SMAP2: variants seen among roughly 807,000 people sequenced by gnomAD.
SMAP2 encodes the protein small ArfGAP2.
A neutral mutation model predicts 56.4 loss-of-function variants in SMAP2; 25 were observed. The ratio of observed to expected loss-of-function variants is 0.44; its 90% CI spans 0.32 to 0.62. The LOEUF (loss-of-function observed/expected upper bound fraction) is 0.62, where lower values mean the gene tolerates loss of function less well. Among genes scored for constraint, SMAP2 ranks in the 20% least tolerant of loss-of-function variants. The pLI is 0.04. For missense variants in SMAP2, 388 were observed against 545.6 expected, an observed-to-expected ratio of 0.71 and a Z score of 2.88; for synonymous variants, 157 against 181.7, an observed-to-expected ratio of 0.86 and a Z score of 1.09.
intron 2 of SMAP2, among the ~76,000 whole-genome samples, chr1:40,363,871 A>G (rs576836597): frequency 6.6e-6 from 1 of 152,276 alleles, no homozygotes; most frequent in South Asian, 2.1e-4. Context: ...CCTGGGCAGA[A>G]CTCAGCTGGT....
chr1:40,408,047 C>T lies in SMAP2; in HGVS notation c.238-606C>T, dbSNP rs924324155. Among the ~76,000 whole-genome samples the T allele has an allele frequency of 9.2e-5, 14 of 151,910 alleles. No individual in the cohort carries two copies. The highest frequency in any genetic ancestry group is 1.2e-4 in the Non-Finnish European group (8 of 68,014). ...AGTTGGTAATGGAAATCAGAGGTTA[C>T]GCTTAACCAGAAAATGGCTTTAGAA... On this transcript the variant is annotated intron_variant, in intron 2 of 9. Transcript: ENST00000372718. The surrounding 1 kb of genome is among the most constrained non-coding windows in gnomAD (Gnocchi z 4.3).
At chr1:40,390,385 T>C (rs1644704554) in intron 1 of SMAP2, among the ~76,000 whole-genome samples, 1 of 152,240 alleles carries the variant, frequency 6.6e-6, no homozygotes, top group Admixed American at 6.5e-5. Flanking sequence ...ATGTCCATGG[T>C]CTTGCACAAG....
At chr1:40,395,212 T>G (rs923100594) in intron 1 of SMAP2, among the ~76,000 whole-genome samples, 6 of 152,174 alleles carry the variant, frequency 3.9e-5, no homozygotes, top group African/African-American at 1.4e-4. Flanking sequence ...AAGTCCAAAC[T>G]AGGATCTCAT....
intron 1 of SMAP2, among the ~76,000 whole-genome samples, chr1:40,378,196 C>T (rs1644560182): frequency 6.6e-6 from 1 of 152,158 alleles, no homozygotes; most frequent in Non-Finnish European, 1.5e-5. Flanking sequence ...GCGATTATAG[C>T]TCACTGTAGC....
chr1:40,353,310 G>T (rs1480081397), intron 1 of SMAP2, among the ~76,000 whole-genome samples: 1 of 152,196 alleles, frequency 6.6e-6, no homozygotes, highest in Non-Finnish European at 1.5e-5. Context: ...TGACCATGAG[G>T]TGATTTACAT....
chr1:40,373,277 T>C (rs1483987454), upstream of SMAP2, among the ~76,000 whole-genome samples: 1 of 152,110 alleles, frequency 6.6e-6, no homozygotes, highest in Non-Finnish European at 1.5e-5. Flanking sequence ...GACGTTCCTA[T>C]ATCCTGGGTT....
intron 2 of SMAP2, chr1:40,365,146 AC>A (rs1644476792): frequency 6.3e-6 from 1 of 159,514 alleles, no homozygotes; most frequent in Admixed American, 6.8e-5. Flanking sequence ...AGCTTTATAT[AC>A]TGAGAGCACC....
chr1:40,417,017 A>G lies in SMAP2; in HGVS notation c.1085A>G (p.Tyr362Cys). ...NGMMTTQQAG[Y>C]MAGMAAMPQT... ...ATGATGACCACCCAGCAGGCTGGCTACATGGCAGGCATGGCAGCTATGCCC... is the reference window on the plus strand; with the variant it reads ...ATGATGACCACCCAGCAGGCTGGCTGCATGGCAGGCATGGCAGCTATGCCC... Residue 362 changes from tyrosine to cysteine, a missense_variant, in exon 9 of 10, where the codon TAC (tyrosine) becomes TGC (cysteine). Transcript: ENST00000372718. The G allele has an allele frequency of 1.9e-6, 3 of 1,614,162 alleles. No individual in the cohort carries two copies. The highest frequency in any genetic ancestry group is 8.5e-7 in the Non-Finnish European group (1 of 1,180,014).
At chr1:40,401,086 C>T (rs561641556) in intron 1 of SMAP2, among the ~76,000 whole-genome samples, 24 of 152,076 alleles carry the variant, frequency 1.6e-4, no homozygotes, top group South Asian at 4.1e-4. Flanking sequence ...GGTGAAACCC[C>T]GTCTCTACTA....
chr1:40,372,272 TTTG>T (rs552637942), upstream of SMAP2, among the ~76,000 whole-genome samples: 9 of 151,956 alleles, frequency 5.9e-5, no homozygotes, highest in East Asian at 3.9e-4. Context: ...TTAACTGGGT[TTTG>T]TTGTTGTTGT....
chr1:40,374,539 T>G lies in SMAP2; in HGVS notation c.103+316T>G. On this transcript the variant is annotated intron_variant, in intron 1 of 9. Transcript: ENST00000372718. The surrounding 1 kb of genome is among the most constrained non-coding windows in gnomAD (Gnocchi z 5.9). Reference sequence around the variant, plus strand: ...TCTGGGCCGGCTGTCCAGAGAGAGCTCCCAGCATGTCACTTGCAAAGCTGG... The same window carrying G: ...TCTGGGCCGGCTGTCCAGAGAGAGCGCCCAGCATGTCACTTGCAAAGCTGG... 1.6e-5 allele frequency: 16 copies of G among 970,700 alleles called. No homozygotes were observed. In the South Asian group the frequency reaches 2.1e-4, roughly 13 times the overall value. The allele number at this position is 970,700 out of a possible 1,614,324, so 60.1% of individuals were successfully genotyped here. A position where few individuals can be genotyped will look rare whatever the true frequency, so the allele number is the denominator to read the frequency against.
rs750556033 is a variant in SMAP2 at position 40,404,164 on chromosome 1, A to G, written c.104-2572A>G. Reference sequence around the variant, plus strand: ...CCATGTTTTCAGCCATATAAGTAACATTTGTCTCTTTTATTTTTCTTTTCT... The same window carrying G: ...CCATGTTTTCAGCCATATAAGTAACGTTTGTCTCTTTTATTTTTCTTTTCT... On this transcript the variant is annotated intron_variant, in intron 1 of 9. Coordinates refer to ENST00000372718, the MANE Select transcript of SMAP2 (RefSeq NM_022733.3). 2.6e-5 allele frequency among the ~76,000 whole-genome samples: 4 copies of G among 152,148 alleles called. No homozygotes were observed. In the South Asian group the frequency reaches 8.3e-4, roughly 31 times the overall value.
At chr1:40,420,765 C>T (rs562778514) in intron 9 of SMAP2, among the ~76,000 whole-genome samples, 1 of 152,134 alleles carries the variant, frequency 6.6e-6, no homozygotes, top group Non-Finnish European at 1.5e-5. Context: ...TATGAGAAAA[C>T]ATGAGATGAA....
chr1:40,403,507 AAAAAT>A lies in SMAP2; in HGVS notation c.104-3219_104-3215del, dbSNP rs562745709. Among the ~76,000 whole-genome samples, 181 of 152,312 alleles carry A rather than the reference AAAAAT, an allele frequency of 1.2e-3. 1 individual carries two copies. The highest frequency in any genetic ancestry group is 3.9e-3 in the African/African-American group (163 of 41,558). ...ACGACAGAGCGAGACTCTGTCTCAA[AAAAAT>A]AAAATAAAAAGAAGCACTCCGTGGT... On this transcript the variant is annotated intron_variant, in intron 1 of 9. Coordinates refer to ENST00000372718, the MANE Select transcript of SMAP2 (RefSeq NM_022733.3).
At chr1:40,360,032 A>C (rs1315133383) in intron 1 of SMAP2, among the ~76,000 whole-genome samples, 2 of 98,434 alleles carry the variant, frequency 2.0e-5, no homozygotes, top group African/African-American at 8.3e-5. Flanking sequence ...TTTGAGATGG[A>C]GTCTCGCTGT....
Position 40,408,752 on chromosome 1 carries a change from A to G in SMAP2, c.323+14A>G, listed in dbSNP as rs765052930. On this transcript the variant is annotated intron_variant, in intron 3 of 9. Transcript: ENST00000372718. This position sits in a 1 kb window ranked among gnomAD's most constrained non-coding sequence, Gnocchi z 4.3. ...TCAGATAGACCCGTATCTTTTCTGG[A>G]GCAACTTAGAAGGCTGAGTGGTATT... 6.8e-6 allele frequency: 11 copies of G among 1,607,848 alleles called. No individual in the cohort carries two copies. In the South Asian group the frequency reaches 1.2e-4, roughly 18 times the overall value.
intron 2 of SMAP2, among the ~76,000 whole-genome samples, chr1:40,407,649 T>A (rs1644898193): frequency 6.6e-6 from 1 of 152,202 alleles, no homozygotes; most frequent in South Asian, 2.1e-4. Flanking sequence ...TTTTGTAAAC[T>A]CATCATTTCT....
intron 9 of SMAP2, among the ~76,000 whole-genome samples, chr1:40,419,278 T>C (rs1447428359): frequency 1.8e-5 from 2 of 108,278 alleles, no homozygotes; most frequent in Non-Finnish European, 3.6e-5. Context: ...TTTTCTTCCT[T>C]TCTTTTTTTT....
intron 9 of SMAP2, among the ~76,000 whole-genome samples, chr1:40,421,167 A>G (rs976749956): frequency 6.6e-6 from 1 of 151,940 alleles, no homozygotes; most frequent in African/African-American, 2.4e-5. Flanking sequence ...CATGGGTTTT[A>G]TTGTACTATT....
Sources: allele counts gnomAD v4.1 joint callset (sites outside exome capture counted in the v4.1 genomes callset), GRCh38; gene constraint gnomAD v4.1.1; non-coding constraint Gnocchi (gnomAD v3.1); transcripts MANE v1.5; gene names NCBI Gene and HGNC (gene_info 2026-07-23, HGNC 2026-07-21).